TAF1B: variants seen among roughly 807,000 people sequenced by gnomAD.
TAF1B encodes the protein TATA box-binding protein-associated factor RNA polymerase I subunit B.
TAF1B carries 61 observed loss-of-function variants against 83.9 expected under a neutral mutation model. The ratio of observed to expected loss-of-function variants is 0.73; its 90% CI spans 0.59 to 0.90. The LOEUF (loss-of-function observed/expected upper bound fraction) is 0.90, where lower values mean the gene tolerates loss of function less well. TAF1B is among the 40% of genes least tolerant of loss of function. The probability of loss-of-function intolerance (pLI) is 0.00; values close to 1 mark genes in which losing one functional copy is unlikely to be tolerated. For missense variants in TAF1B, 625 were observed against 677.0 expected, an observed-to-expected ratio of 0.92 and a Z score of 0.85; for synonymous variants, 221 against 224.6, an observed-to-expected ratio of 0.98 and a Z score of 0.14.
At chr2:9,931,057 G>A (rs1349640923) in intron 14 of TAF1B, among the ~76,000 whole-genome samples, 1 of 152,042 alleles carries the variant, frequency 6.6e-6, no homozygotes, top group African/African-American at 2.4e-5. Context: ...GAGCCCATGT[G>A]TGTCTCTGCA....
At chr2:9,926,818 A>AAAG (rs1666056435) in intron 14 of TAF1B, among the ~76,000 whole-genome samples, 1 of 151,674 alleles carries the variant, frequency 6.6e-6, no homozygotes. Context: ...AAAAAAAAAA[A>AAAG]AAAAGAGAGA....
At chr2:9,854,063 A>T (rs2125136872) in intron 4 of TAF1B, among the ~76,000 whole-genome samples, 1 of 152,316 alleles carries the variant, frequency 6.6e-6, no homozygotes, top group East Asian at 1.9e-4. Context: ...CCTCCAGGTG[A>T]TTCTGATGCA....
rs1558275957 is a variant in TAF1B at position 9,933,919 on chromosome 2, CTT to C, written c.1706_1707del (p.Phe569Ter). 6.2e-7 allele frequency: 1 copy of C among 1,613,344 alleles called. No homozygotes were observed. The highest frequency in any genetic ancestry group is 2.2e-5 in the East Asian group (1 of 44,822). On this transcript the variant is annotated frameshift_variant, in exon 15 of 15. Coordinates refer to ENST00000263663, the MANE Select transcript of TAF1B (RefSeq NM_005680.3). LOFTEE classifies it high-confidence loss of function. ...HEEVSLVEKK[L>X]FEKKYSVKRK... ...AGAAGTGAGCTTAGTTGAGAAGAAACTTTTTGAGAAAAAATACAGTGTAAAAA... is the reference window on the plus strand; with the variant it reads ...AGAAGTGAGCTTAGTTGAGAAGAAACTTTGAGAAAAAATACAGTGTAAAAA...
chr2:9,860,341 A>G (rs1663711177), intron 5 of TAF1B, among the ~76,000 whole-genome samples: 1 of 152,226 alleles, frequency 6.6e-6, no homozygotes, highest in Non-Finnish European at 1.5e-5. Context: ...TTATATTATA[A>G]TCATGAAATC....
intron 12 of TAF1B, among the ~76,000 whole-genome samples, chr2:9,915,879 G>A (rs986297571): frequency 2.7e-5 from 4 of 150,496 alleles, no homozygotes; most frequent in East Asian, 2.0e-4. Context: ...TGTTGTATCC[G>A]TACAGTGGAA....
intron 7 of TAF1B, among the ~76,000 whole-genome samples, chr2:9,879,609 G>A (rs886326967): frequency 1.3e-5 from 2 of 152,144 alleles, no homozygotes; most frequent in Non-Finnish European, 2.9e-5. Flanking sequence ...GGTTGCTAGT[G>A]CCAAGCCCTA....
At chr2:9,887,412 A>G (rs1488310389) in intron 8 of TAF1B, among the ~76,000 whole-genome samples, 2 of 152,176 alleles carry the variant, frequency 1.3e-5, no homozygotes, top group Non-Finnish European at 2.9e-5. Flanking sequence ...TGCTTCTGTT[A>G]CTGGAGCTCT....
At chr2:9,932,689 C>T (rs77352064) in intron 14 of TAF1B, among the ~76,000 whole-genome samples, 1 of 152,190 alleles carries the variant, frequency 6.6e-6, no homozygotes, top group Non-Finnish European at 1.5e-5. Flanking sequence ...GCTGTGAGAA[C>T]CACTGCTTTC....
intron 5 of TAF1B, among the ~76,000 whole-genome samples, chr2:9,858,002 A>G (rs991317707): frequency 1.3e-5 from 2 of 152,196 alleles, no homozygotes; most frequent in Non-Finnish European, 2.9e-5. Context: ...AAAATCAATC[A>G]TGCCTTCCCA....
At chr2:9,895,582 G>C (rs1664992826) in intron 8 of TAF1B, among the ~76,000 whole-genome samples, 1 of 152,104 alleles carries the variant, frequency 6.6e-6, no homozygotes, top group African/African-American at 2.4e-5. Context: ...AAAAATGCAA[G>C]GTGAACTATT....
chr2:9,900,063 C>A (rs1009498007), intron 8 of TAF1B, among the ~76,000 whole-genome samples: 4 of 152,110 alleles, frequency 2.6e-5, no homozygotes, highest in Non-Finnish European at 4.4e-5. Context: ...CAGGCTATCT[C>A]GTGGCATTAG....
chr2:9,908,028 C>CTTTTT lies in TAF1B; in HGVS notation c.956-2677_956-2673dup, dbSNP rs57261740. 1.9e-3 allele frequency among the ~76,000 whole-genome samples: 137 copies of CTTTTT among 71,744 alleles called. 26 individuals carry two copies. Among genetic ancestry groups the CTTTTT allele is most frequent in the African/African-American group, 5.2e-3 (66 of 12,700 alleles). 47.1% of individuals were successfully genotyped at this position (71,744 alleles called of 152,430 possible). On this transcript the variant is annotated intron_variant, in intron 9 of 14. Transcript: ENST00000263663. ...AGCGGAGCAGTTCAAGATCTTAATT[C>CTTTTT]TTTTTTTTTTTTTTTTTTTTTTTTT...
At chr2:9,917,964 T>C (rs988873483) in intron 12 of TAF1B, among the ~76,000 whole-genome samples, 2 of 150,656 alleles carry the variant, frequency 1.3e-5, no homozygotes, top group African/African-American at 2.4e-5. Flanking sequence ...CCCAGCTACT[T>C]GGGAGGCTGA....
rs1241783289 is a variant in TAF1B at position 9,914,204 on chromosome 2, C to G, written c.1271+955C>G. ...TAGAAAAGGCACTGTGGAGATGATCCTTTCCATAGCAGGGAAGTGTGACAG... is the reference window on the plus strand; with the variant it reads ...TAGAAAAGGCACTGTGGAGATGATCGTTTCCATAGCAGGGAAGTGTGACAG... On this transcript the variant is annotated intron_variant, in intron 12 of 14. Coordinates refer to ENST00000263663, the MANE Select transcript of TAF1B (RefSeq NM_005680.3). This position sits in a 1 kb window ranked among gnomAD's most constrained non-coding sequence, Gnocchi z 4.3. Among the ~76,000 whole-genome samples, 1 of 152,090 alleles carries G rather than the reference C, an allele frequency of 6.6e-6. No homozygotes were observed. The highest frequency in any genetic ancestry group is 2.4e-5 in the African/African-American group (1 of 41,410).
chr2:9,871,788 C>T (rs1664174924), intron 6 of TAF1B, among the ~76,000 whole-genome samples: 1 of 151,892 alleles, frequency 6.6e-6, no homozygotes, highest in African/African-American at 2.4e-5. Context: ...TTCTGTTTGG[C>T]GGGTTTGTAA....
At chr2:9,870,430 T>C (rs573338090) in intron 6 of TAF1B, among the ~76,000 whole-genome samples, 18 of 152,274 alleles carry the variant, frequency 1.2e-4, no homozygotes, top group African/African-American at 4.1e-4. Context: ...GAGGCTGTAG[T>C]GCGCTGTGAT....
chr2:9,854,220 A>T (rs1420491813), intron 4 of TAF1B, 106 bp from the exon 5 acceptor site: 2 of 768,182 alleles, frequency 2.6e-6, no homozygotes, highest in African/African-American at 3.5e-5. Context: ...CTGGAAATTT[A>T]TATGTAAGTT....
Position 9,911,588 on chromosome 2 carries a change from A to T in TAF1B, c.1180+31A>T, listed in dbSNP as rs761466238. The stretch of plus-strand genomic sequence containing the variant: ...TTAATTTTTTATCATTCAAATTCAA[A>T]GTGGTTATAGATGATAGATTAAAAG... On this transcript the variant is annotated intron_variant, in intron 11 of 14. Coordinates refer to ENST00000263663, the MANE Select transcript of TAF1B (RefSeq NM_005680.3). The T allele has an allele frequency of 1.5e-5, 22 of 1,446,162 alleles. No homozygotes were observed. In the East Asian group the frequency reaches 2.6e-4, roughly 17 times the overall value. 89.6% of individuals were successfully genotyped at this position (1,446,162 alleles called of 1,614,324 possible).
chr2:9,910,030 A>C (rs1572275249), intron 9 of TAF1B, among the ~76,000 whole-genome samples: 1 of 119,962 alleles, frequency 8.3e-6, no homozygotes, highest in African/African-American at 2.5e-5. Flanking sequence ...CATACTTGAA[A>C]TTGTGTGGTC....
Sources: allele counts gnomAD v4.1 joint callset (sites outside exome capture counted in the v4.1 genomes callset), GRCh38; gene constraint gnomAD v4.1.1; non-coding constraint Gnocchi (gnomAD v3.1); transcripts MANE v1.5; gene names NCBI Gene and HGNC (gene_info 2026-07-23, HGNC 2026-07-21).